The following CRYBG1 variants were observed in gnomAD, a reference collection of about 807,000 sequenced individuals.
CRYBG1 encodes beta/gamma crystallin domain-containing protein 1.
A neutral mutation model predicts 189.2 loss-of-function variants in CRYBG1; 139 were observed. The observed-to-expected ratio is 0.73, with a 90% confidence interval of 0.64 to 0.85. CRYBG1 has a LOEUF of 0.85. Ranked by LOEUF, CRYBG1 falls within the 40% of genes least tolerant of loss-of-function variation. CRYBG1 has a pLI of 0.00. For synonymous variants in CRYBG1, 1,023 were observed against 1,017.1 expected (o/e 1.01, Z -0.11); for missense variants, 2,611 against 2,675.8 (o/e 0.98, Z 0.53).
Position 106,432,204 on chromosome 6 carries a change from G to A in CRYBG1, c.174-19490G>A, listed in dbSNP as rs112073912. 2.2e-4 allele frequency among the ~76,000 whole-genome samples: 33 copies of A among 152,248 alleles called. 1 individual carries two copies. The highest frequency in any genetic ancestry group is 7.7e-4 in the African/African-American group (32 of 41,538). The stretch of plus-strand genomic sequence containing the variant: ...TTGGGAGATGAATCACTGTCAATGC[G>A]AAGAGGAGTTTTCCACCCTTCTTTG... On this transcript the variant is annotated intron_variant, in intron 1 of 21. Coordinates refer to ENST00000633556, the MANE Select transcript of CRYBG1 (RefSeq NM_001371242.2).
chr6:106,564,742 C>T (rs1283897784), intron 21 of CRYBG1, among the ~76,000 whole-genome samples: 2 of 152,144 alleles, frequency 1.3e-5, no homozygotes, highest in Non-Finnish European at 2.9e-5. Flanking sequence ...TGTGGGAACT[C>T]AGTGAACTAG....
chr6:106,473,609 G>A (rs1172022364), intron 2 of CRYBG1, among the ~76,000 whole-genome samples: 2 of 152,148 alleles, frequency 1.3e-5, no homozygotes, highest in Admixed American at 6.5e-5. Flanking sequence ...ACACTATAGA[G>A]AGAATGCCAC....
chr6:106,555,775 GTA>G lies in CRYBG1; in HGVS notation c.5597_5598del (p.Tyr1866Ter). ...TGGTTTTTCCCATTGTAGCTGGGTT[GTA>G]TATGATGGAGAAAATTTCACTGGTA... Reference protein sequence around the residue: ...SCRVSGGSWVVYDGENFTGNQ... With the variant: ...SCRVSGGSWVXYDGENFTGNQ... On this transcript the variant is annotated frameshift_variant, in exon 17 of 22. Coordinates refer to ENST00000633556, the MANE Select transcript of CRYBG1 (RefSeq NM_001371242.2). LOFTEE classifies it high-confidence loss of function. 6.2e-7 allele frequency: 1 copy of G among 1,614,164 alleles called. No homozygotes were observed. Among genetic ancestry groups the G allele is most frequent in the South Asian group, 1.1e-5 (1 of 91,090 alleles).
chr6:106,424,012 C>A (rs1771180397), intron 1 of CRYBG1, among the ~76,000 whole-genome samples: 1 of 152,012 alleles, frequency 6.6e-6, no homozygotes, highest in East Asian at 1.9e-4. Flanking sequence ...GCCTCTCCCT[C>A]CTTTCCTTCT....
Position 106,360,824 on chromosome 6 carries a change from C to G in CRYBG1, c.-85C>G. On this transcript the variant is annotated 5_prime_UTR_variant, in exon 1 of 22. Transcript: ENST00000633556. ...CGGCGCGCTGAGAAAGGCGGGCGAGCTGGCGCTCAGGTGTGTTCTTCCATA... is the reference window on the plus strand; with the variant it reads ...CGGCGCGCTGAGAAAGGCGGGCGAGGTGGCGCTCAGGTGTGTTCTTCCATA... The G allele has an allele frequency of 1.4e-6, 2 of 1,388,390 alleles. No homozygotes were observed. The highest frequency in any genetic ancestry group is 1.9e-6 in the Non-Finnish European group (2 of 1,068,716). The allele number at this position is 1,388,390 out of a possible 1,614,324, so 86.0% of individuals were successfully genotyped here.
intron 1 of CRYBG1, among the ~76,000 whole-genome samples, chr6:106,415,490 C>T (rs531656519): frequency 4.1e-4 from 62 of 151,610 alleles, no homozygotes; most frequent in Non-Finnish European, 6.9e-4. Context: ...TTTGAGAGGC[C>T]GAGGCAGGCA....
intron 2 of CRYBG1, among the ~76,000 whole-genome samples, chr6:106,484,574 C>A (rs1428920516): frequency 4.6e-5 from 7 of 152,200 alleles, no homozygotes; most frequent in Admixed American, 4.6e-4. Flanking sequence ...CCTGCCTTAG[C>A]CTCCCAAAGT....
chr6:106,376,213 G>GATGGCTTTTGT (rs1770161019), intron 1 of CRYBG1, among the ~76,000 whole-genome samples: 2 of 152,156 alleles, frequency 1.3e-5, no homozygotes, highest in Non-Finnish European at 2.9e-5. Flanking sequence ...GAGTAATTTA[G>GATGGCTTTTGT]ATGGCTTTTG....
chr6:106,431,354 A>C (rs946227917), intron 1 of CRYBG1, among the ~76,000 whole-genome samples: 4 of 152,180 alleles, frequency 2.6e-5, no homozygotes, highest in African/African-American at 9.7e-5. Context: ...TTCTTTCCTC[A>C]CACAGTCTTT....
At chr6:106,451,900 T>C (rs922825405) in intron 2 of CRYBG1, 68 bp downstream of exon 2, 28 of 1,377,894 alleles carry the variant, frequency 2.0e-5, no homozygotes, top group Non-Finnish European at 2.5e-5. Flanking sequence ...CACTGTAAGA[T>C]AGCCTGTCTA....
Position 106,423,251 on chromosome 6 carries a change from GTT to G in CRYBG1, c.174-28421_174-28420del, listed in dbSNP as rs5878887. Among the ~76,000 whole-genome samples the G allele has an allele frequency of 8.2e-3, 662 of 80,868 alleles. 2 individuals carry two copies. Among genetic ancestry groups the G allele is most frequent in the East Asian group, 0.037 (85 of 2,308 alleles). 53.1% of individuals were successfully genotyped at this position (80,868 alleles called of 152,430 possible). A position where few individuals can be genotyped will look rare whatever the true frequency, so the allele number is the denominator to read the frequency against. On this transcript the variant is annotated intron_variant, in intron 1 of 21. Coordinates refer to ENST00000633556, the MANE Select transcript of CRYBG1 (RefSeq NM_001371242.2). Reference sequence around the variant, plus strand: ...TCAAAGTAAGTGCTAGAGTTGGCTGGTTTTTTTTTTTTTTTTTTTTTTTCGCT... The same window carrying G: ...TCAAAGTAAGTGCTAGAGTTGGCTGGTTTTTTTTTTTTTTTTTTTTTCGCT...
chr6:106,481,776 C>T (rs1018896437), intron 2 of CRYBG1, among the ~76,000 whole-genome samples: 1 of 152,164 alleles, frequency 6.6e-6, no homozygotes, highest in Non-Finnish European at 1.5e-5. Context: ...GCCTATCCCT[C>T]AGGCCCATCA....
chr6:106,381,111 A>G (rs1319016468), intron 1 of CRYBG1, among the ~76,000 whole-genome samples: 1 of 152,242 alleles, frequency 6.6e-6, no homozygotes, highest in Non-Finnish European at 1.5e-5. Context: ...TGATCACTTT[A>G]CAAATTCAGC....
At chr6:106,552,276 A>G in intron 15 of CRYBG1, 60 bp downstream of exon 15, 2 of 1,222,732 alleles carry the variant, frequency 1.6e-6, no homozygotes, top group Admixed American at 2.7e-5. Context: ...GAAAAGCTGA[A>G]CTTATGTTTC....
chr6:106,518,729 G>A (rs1773497895), intron 3 of CRYBG1, among the ~76,000 whole-genome samples: 1 of 152,170 alleles, frequency 6.6e-6, no homozygotes, highest in Admixed American at 6.5e-5. Flanking sequence ...AGGCCAAGAT[G>A]GGAGGATTGC....
intron 2 of CRYBG1, among the ~76,000 whole-genome samples, chr6:106,466,179 G>T (rs1772111879): frequency 6.6e-6 from 1 of 152,196 alleles, no homozygotes; most frequent in Non-Finnish European, 1.5e-5. Flanking sequence ...AAGGTTACGA[G>T]TAAATATTCA....
chr6:106,516,100 G>C (rs1213138946), intron 3 of CRYBG1, among the ~76,000 whole-genome samples: 2 of 151,876 alleles, frequency 1.3e-5, no homozygotes, highest in African/African-American at 4.8e-5. Context: ...CTCAAATTTA[G>C]TATCAAGTAA....
chr6:106,553,333 A>C, intron 15 of CRYBG1, 122 bp from the exon 16 acceptor site: 1 of 634,696 alleles, frequency 1.6e-6, no homozygotes, highest in Non-Finnish European at 2.8e-6. Context: ...GGATTTCTAA[A>C]ATTCGTACCA....
At chr6:106,553,708 T>C in intron 16 of CRYBG1, 141 bp downstream of exon 16, 1 of 652,790 alleles carries the variant, frequency 1.5e-6, no homozygotes, top group Non-Finnish European at 2.8e-6. Flanking sequence ...CTTCGTGATA[T>C]CTGAGTACCA....
Sources: gnomAD v4.1 joint callset for allele counts (sites outside exome capture counted in the v4.1 genomes callset) on GRCh38, gnomAD v4.1.1 for gene constraint, MANE v1.5 for transcripts, NCBI Gene and HGNC (gene_info 2026-07-23, HGNC 2026-07-21) for gene names.